SDK1: variants seen among roughly 807,000 people sequenced by gnomAD.
The protein encoded by SDK1 is sidekick cell adhesion molecule 1, also known as protein sidekick-1.
Under a neutral mutation model 245.5 loss-of-function variants are expected in SDK1, and 157 were observed. That is an observed-to-expected ratio of 0.64 (90% CI 0.56 to 0.73). The LOEUF (loss-of-function observed/expected upper bound fraction) is 0.73. Among genes scored for constraint, SDK1 ranks in the 30% least tolerant of loss-of-function variants. The pLI is 0.00. For synonymous variants in SDK1, 1,647 were observed against 1,278.5 expected (o/e 1.29, Z -6.15); for missense variants, 3,583 against 3,002.3 (o/e 1.19, Z -4.52).
At chr7:4,068,018 C>A in intron 20 of SDK1, 82 bp downstream of exon 20, 1 of 967,434 alleles carries the variant, frequency 1.0e-6, no homozygotes, top group African/African-American at 1.6e-5. Context: ...AACCAAACTG[C>A]TGACAGCATG....
At chr7:4,170,878 A>T (rs1781798825) in intron 32 of SDK1, among the ~76,000 whole-genome samples, 1 of 152,148 alleles carries the variant, frequency 6.6e-6, no homozygotes, top group South Asian at 2.1e-4. Flanking sequence ...CCTGTGAGTG[A>T]CTGTTGCCGG....
intron 40 of SDK1, among the ~76,000 whole-genome samples, chr7:4,230,851 C>T (rs1038949171): frequency 1.1e-4 from 17 of 152,114 alleles, no homozygotes; most frequent in Non-Finnish European, 2.2e-4. Context: ...AAAGATGAGT[C>T]TGAGGGGGCA....
rs138933746 is a variant in SDK1 at position 3,535,202 on chromosome 7, G to A, written c.299-83878G>A. Among the ~76,000 whole-genome samples the A allele has an allele frequency of 9.5e-4, 144 of 152,286 alleles. 2 individuals are homozygous for A. The highest frequency in any genetic ancestry group is 3.3e-3 in the African/African-American group (138 of 41,548). On this transcript the variant is annotated intron_variant, in intron 1 of 44. Transcript: ENST00000404826. ...GAGGCAGGAGAATTGCTTGAACCCAGGAGGCGGAGGTTGGAGTGAGCCAAG... is the reference window on the plus strand; with the variant it reads ...GAGGCAGGAGAATTGCTTGAACCCAAGAGGCGGAGGTTGGAGTGAGCCAAG...
intron 1 of SDK1, among the ~76,000 whole-genome samples, chr7:3,346,033 C>G (rs373449599): frequency 6.6e-6 from 1 of 152,136 alleles, no homozygotes; most frequent in African/African-American, 2.4e-5. Context: ...ACTTGTACTC[C>G]TGGATAAAAT....
chr7:4,084,551 C>T (rs889160025), intron 22 of SDK1, among the ~76,000 whole-genome samples: 5 of 152,150 alleles, frequency 3.3e-5, no homozygotes, highest in African/African-American at 1.2e-4. Flanking sequence ...CTCCTCGCTC[C>T]CAGCTGGTCC....
At chr7:3,984,218 T>C (rs1783645005) in intron 13 of SDK1, among the ~76,000 whole-genome samples, 1 of 151,986 alleles carries the variant, frequency 6.6e-6, no homozygotes, top group African/African-American at 2.4e-5. Context: ...GGGACATGTG[T>C]GAGCATATTC....
intron 4 of SDK1, among the ~76,000 whole-genome samples, chr7:3,729,572 G>A (rs1339425999): frequency 6.6e-6 from 1 of 152,148 alleles, no homozygotes; most frequent in Non-Finnish European, 1.5e-5. Context: ...TGCTAGATAT[G>A]GGAAGGTTAA....
chr7:4,207,959 G>C (rs1784317251), intron 36 of SDK1, 140 bp from the exon 37 acceptor site: 1 of 659,046 alleles, frequency 1.5e-6, no homozygotes, highest in Non-Finnish European at 2.7e-6. Flanking sequence ...TCCTCCAGGA[G>C]GGAGCCTTTC....
At chr7:3,334,934 C>T (rs1169977144) in intron 1 of SDK1, among the ~76,000 whole-genome samples, 1 of 152,074 alleles carries the variant, frequency 6.6e-6, no homozygotes, top group Non-Finnish European at 1.5e-5. Context: ...GTGGCTTTAT[C>T]ATTTACCCAG....
At chr7:3,585,952 G>T (rs1192584253) in intron 1 of SDK1, among the ~76,000 whole-genome samples, 1 of 152,190 alleles carries the variant, frequency 6.6e-6, no homozygotes, top group Non-Finnish European at 1.5e-5. Flanking sequence ...ACAGTATGTG[G>T]CTCTTTGTTT....
intron 32 of SDK1, among the ~76,000 whole-genome samples, chr7:4,171,014 C>T (rs1781807643): frequency 6.6e-6 from 1 of 152,270 alleles, no homozygotes; most frequent in African/African-American, 2.4e-5. Context: ...GTAATTCTCA[C>T]TCCTTCCTTT....
chr7:3,755,907 TCA>T (rs757522728), intron 4 of SDK1, among the ~76,000 whole-genome samples: 20 of 151,234 alleles, frequency 1.3e-4, no homozygotes, highest in Non-Finnish European at 2.7e-4. Context: ...TGAATCTGAC[TCA>T]CATGGCATAG....
intron 22 of SDK1, among the ~76,000 whole-genome samples, chr7:4,101,968 TCACTC>T (rs1418377378): frequency 6.6e-6 from 1 of 151,946 alleles, no homozygotes; most frequent in Non-Finnish European, 1.5e-5. Flanking sequence ...ACAAAGCCCA[TCACTC>T]CACAGCCCTT....
chr7:3,907,023 C>T (rs1418803171), intron 5 of SDK1, among the ~76,000 whole-genome samples: 1 of 152,136 alleles, frequency 6.6e-6, no homozygotes, highest in Non-Finnish European at 1.5e-5. Context: ...TTATATTTCA[C>T]CTAGAATCTT....
chr7:3,540,988 C>T (rs920314510), intron 1 of SDK1, among the ~76,000 whole-genome samples: 1 of 152,136 alleles, frequency 6.6e-6, no homozygotes, highest in African/African-American at 2.4e-5. Flanking sequence ...TGGAGGAAAG[C>T]CCAGTTAAAA....
At chr7:3,719,728 C>T (rs1039841361) in intron 4 of SDK1, among the ~76,000 whole-genome samples, 5 of 151,970 alleles carry the variant, frequency 3.3e-5, no homozygotes, top group African/African-American at 1.2e-4. Context: ...CCTGTAATCC[C>T]AGCAGTCTGG....
At chr7:4,147,585 G>C (rs972953833) in intron 29 of SDK1, among the ~76,000 whole-genome samples, 1 of 152,122 alleles carries the variant, frequency 6.6e-6, no homozygotes, top group African/African-American at 2.4e-5. Flanking sequence ...AGCATTCAGT[G>C]AAAGCACATC....
chr7:3,572,392 A>G (rs1226785382), intron 1 of SDK1, among the ~76,000 whole-genome samples: 1 of 152,008 alleles, frequency 6.6e-6, no homozygotes, highest in African/African-American at 2.4e-5. Flanking sequence ...GAGCAAGAGT[A>G]TGGAGATCAT....
intron 16 of SDK1, among the ~76,000 whole-genome samples, chr7:4,016,826 A>G (rs1423151034): frequency 6.6e-6 from 1 of 152,182 alleles, no homozygotes; most frequent in Non-Finnish European, 1.5e-5. Context: ...GTGTTTCTCA[A>G]ACTGATTTAC....
Sources: allele counts gnomAD v4.1 joint callset (sites outside exome capture counted in the v4.1 genomes callset), GRCh38; gene constraint gnomAD v4.1.1; transcripts MANE v1.5; gene names NCBI Gene and HGNC (gene_info 2026-07-23, HGNC 2026-07-21).